CDH13: variants seen among roughly 807,000 people sequenced by gnomAD.
CDH13 encodes cadherin-13.
A neutral mutation model predicts 63.8 loss-of-function variants in CDH13; 24 were observed. The ratio of observed to expected loss-of-function variants is 0.38; its 90% CI spans 0.27 to 0.53. CDH13 has a LOEUF of 0.53. Among genes scored for constraint, CDH13 ranks in the 20% least tolerant of loss-of-function variants. The pLI is 0.85. For synonymous variants in CDH13, 503 were observed against 355.3 expected, an observed-to-expected ratio of 1.42 and a Z score of -4.67; for missense variants, 1,049 against 903.1, an observed-to-expected ratio of 1.16 and a Z score of -2.07.
At chr16:83,048,184 T>G (rs563421973) in intron 3 of CDH13, among the ~76,000 whole-genome samples, 4 of 152,304 alleles carry the variant, frequency 2.6e-5, no homozygotes, top group African/African-American at 9.6e-5. Context: ...GACCAAGATA[T>G]GAACACAAGT....
At chr16:82,832,630 C>A (rs148261081) in intron 1 of CDH13, among the ~76,000 whole-genome samples, 6 of 151,764 alleles carry the variant, frequency 4.0e-5, no homozygotes, top group Middle Eastern at 3.2e-3. Context: ...CTTAAACATT[C>A]TTTTCAACTA....
chr16:83,706,002 G>T (rs536195395), intron 10 of CDH13, among the ~76,000 whole-genome samples: 2 of 152,118 alleles, frequency 1.3e-5, no homozygotes, highest in Admixed American at 6.5e-5. Flanking sequence ...AAACAACATC[G>T]TTTTCGTGTC....
intron 7 of CDH13, among the ~76,000 whole-genome samples, chr16:83,576,466 G>A (rs371293695): frequency 3.3e-5 from 5 of 152,164 alleles, no homozygotes; most frequent in South Asian, 2.1e-4. Context: ...TTCTATGAAC[G>A]TGTGCATACA....
intron 2 of CDH13, among the ~76,000 whole-genome samples, chr16:82,917,914 C>CAAAAA (rs34766700): frequency 6.5e-5 from 3 of 45,960 alleles, no homozygotes; most frequent in African/African-American, 2.0e-4. Flanking sequence ...GACTCCATGT[C>CAAAAA]AAAAAAAAAA....
At chr16:83,568,673 C>T (rs1046076449) in intron 7 of CDH13, among the ~76,000 whole-genome samples, 3 of 152,136 alleles carry the variant, frequency 2.0e-5, no homozygotes, top group Non-Finnish European at 4.4e-5. Flanking sequence ...ACTGAGAAGA[C>T]AGAGGGGAAA....
At chr16:82,841,822 G>A (rs780185577) in intron 1 of CDH13, among the ~76,000 whole-genome samples, 157 of 152,152 alleles carry the variant, frequency 1.0e-3, no homozygotes, top group Non-Finnish European at 1.8e-3. Flanking sequence ...AATACCTACT[G>A]TGCTGGAGCT....
At chr16:83,473,512 A>G (rs2073518395) in intron 6 of CDH13, among the ~76,000 whole-genome samples, 1 of 152,176 alleles carries the variant, frequency 6.6e-6, no homozygotes, top group Non-Finnish European at 1.5e-5. Context: ...AACTTCAGCC[A>G]GGTCACTTAC....
chr16:83,507,799 C>A (rs561894234), intron 7 of CDH13, among the ~76,000 whole-genome samples: 1 of 151,896 alleles, frequency 6.6e-6, no homozygotes, highest in Non-Finnish European at 1.5e-5. Flanking sequence ...CTCTGGAAGG[C>A]CGAGGCAGGC....
intron 10 of CDH13, among the ~76,000 whole-genome samples, chr16:83,739,041 T>G (rs980775549): frequency 1.3e-5 from 2 of 152,210 alleles, no homozygotes; most frequent in Non-Finnish European, 2.9e-5. Context: ...GGCCTGAGAC[T>G]GCTGTTCCTA....
chr16:83,395,703 A>G (rs1010301347), intron 6 of CDH13, among the ~76,000 whole-genome samples: 4 of 152,186 alleles, frequency 2.6e-5, no homozygotes, highest in Admixed American at 6.5e-5. Flanking sequence ...CACAGGGTAG[A>G]TATCACATAG....
intron 6 of CDH13, among the ~76,000 whole-genome samples, chr16:83,438,871 G>A (rs1459963684): frequency 6.6e-6 from 1 of 152,080 alleles, no homozygotes; most frequent in African/African-American, 2.4e-5. Flanking sequence ...ATTCACAGAG[G>A]GCTGAAAACC....
chr16:83,269,471 C>T (rs908445976), intron 5 of CDH13, among the ~76,000 whole-genome samples: 1 of 152,108 alleles, frequency 6.6e-6, no homozygotes, highest in African/African-American at 2.4e-5. Context: ...AAGATGCAGT[C>T]TGTTGGCAGA....
intron 1 of CDH13, chr16:82,826,711 G>C (rs1289808504): frequency 6.6e-6 from 1 of 152,184 alleles, no homozygotes; most frequent in Non-Finnish European, 1.5e-5. Context: ...GTGGTAATTT[G>C]TTCCATAAGC....
intron 2 of CDH13, among the ~76,000 whole-genome samples, chr16:82,939,316 A>C (rs1008212766): frequency 4.6e-5 from 7 of 152,086 alleles, no homozygotes; most frequent in African/African-American, 1.4e-4. Flanking sequence ...CCAGCTACTC[A>C]ATAGGCTGAG....
chr16:83,500,918 C>A (rs1270831335), intron 7 of CDH13, among the ~76,000 whole-genome samples: 2 of 151,996 alleles, frequency 1.3e-5, no homozygotes, highest in Admixed American at 6.6e-5. Flanking sequence ...TATTTGTTGA[C>A]CAAACAGAGG....
chr16:82,812,390 C>A (rs552511095), intron 1 of CDH13, among the ~76,000 whole-genome samples: 2 of 152,064 alleles, frequency 1.3e-5, no homozygotes, highest in African/African-American at 2.4e-5. Context: ...CAGCAGGAAG[C>A]CTTGAGGAGT....
intron 2 of CDH13, among the ~76,000 whole-genome samples, chr16:82,980,914 T>C (rs571908119): frequency 3.9e-5 from 6 of 152,352 alleles, no homozygotes; most frequent in East Asian, 1.9e-4. Context: ...CCGTTGTTAA[T>C]TGAGTGTCTT....
chr16:83,090,290 T>A (rs576223818), intron 3 of CDH13, among the ~76,000 whole-genome samples: 2 of 152,174 alleles, frequency 1.3e-5, no homozygotes, highest in South Asian at 4.2e-4. Flanking sequence ...GCCATTCGTT[T>A]GTGGGCCGGG....
intron 8 of CDH13, among the ~76,000 whole-genome samples, chr16:83,637,147 T>C (rs1911336047): frequency 6.6e-6 from 1 of 152,172 alleles, no homozygotes; most frequent in South Asian, 2.1e-4. Flanking sequence ...ACTCAACAGC[T>C]TTTTATCCCC....
Sources: gnomAD v4.1 joint callset for allele counts (sites outside exome capture counted in the v4.1 genomes callset) on GRCh38, gnomAD v4.1.1 for gene constraint, MANE v1.5 for transcripts, NCBI Gene and HGNC (gene_info 2026-07-23, HGNC 2026-07-21) for gene names.